SMCHD1: variants seen among roughly 807,000 people sequenced by gnomAD.
The protein encoded by SMCHD1 is structural maintenance of chromosomes flexible hinge domain containing 1.
In SMCHD1, 78 loss-of-function variants were observed where a neutral mutation model predicts 254.7. The observed-to-expected ratio is 0.31, with a 90% CI of 0.26 to 0.37. The LOEUF (loss-of-function observed/expected upper bound fraction) is 0.37. Among genes scored for constraint, SMCHD1 ranks in the 10% least tolerant of loss-of-function variants. The pLI is 1.00. For missense variants in SMCHD1, 1,840 were observed against 2,408.1 expected (o/e 0.76, Z 4.94); for synonymous variants, 766 against 794.9 (o/e 0.96, Z 0.61).
At chr18:2,672,802 T>A (rs538993785) in intron 3 of SMCHD1, among the ~76,000 whole-genome samples, 1 of 152,246 alleles carries the variant, frequency 6.6e-6, no homozygotes, top group East Asian at 1.9e-4. Context: ...ATAAGAATTC[T>A]ATATCCAAAT....
At chr18:2,784,940 C>G in intron 45 of SMCHD1, 1 of 373,786 alleles carries the variant, frequency 2.7e-6, no homozygotes, top group Non-Finnish European at 5.0e-6. Flanking sequence ...AGCAAGACTC[C>G]ATCTCTTAAA....
chr18:2,687,200 A>T (rs1246808524), intron 5 of SMCHD1, among the ~76,000 whole-genome samples: 4 of 152,144 alleles, frequency 2.6e-5, no homozygotes, highest in Non-Finnish European at 2.9e-5. Flanking sequence ...GTTTTTCACC[A>T]CACCAGTAAA....
intron 24 of SMCHD1, 63 bp from the exon 25 acceptor site, chr18:2,732,199 ATTC>A: frequency 8.2e-7 from 1 of 1,220,468 alleles, no homozygotes; most frequent in East Asian, 2.4e-5. Flanking sequence ...TTGAAAGTAA[ATTC>A]TTCAGGAGTG....
At chr18:2,784,983 A>G (rs934440098) in intron 45 of SMCHD1, 11 of 361,068 alleles carry the variant, frequency 3.0e-5, no homozygotes, top group Non-Finnish European at 5.8e-5. Flanking sequence ...GTCATTATTG[A>G]ATAAGTCAGT....
At chr18:2,656,580 G>A (rs2073065972) in intron 1 of SMCHD1, among the ~76,000 whole-genome samples, 1 of 152,264 alleles carries the variant, frequency 6.6e-6, no homozygotes, top group Non-Finnish European at 1.5e-5. Flanking sequence ...CCCGGTTGCG[G>A]CCCTGCAGTC....
intron 10 of SMCHD1, among the ~76,000 whole-genome samples, chr18:2,699,032 A>G (rs538485984): frequency 6.6e-6 from 1 of 152,184 alleles, no homozygotes; most frequent in Non-Finnish European, 1.5e-5. Flanking sequence ...TTGGGATTGC[A>G]TTGAATTTAT....
At position 2,763,591 on chromosome 18, in the gene SMCHD1, A is replaced by G. The variant is rs899928181; in HGVS notation, c.4567-46A>G. The G allele has an allele frequency of 8.4e-6, 12 of 1,431,630 alleles. No homozygotes were observed. In the African/African-American group the frequency reaches 1.5e-4, roughly 18 times the overall value. 88.7% of individuals were successfully genotyped at this position (1,431,630 alleles called of 1,614,324 possible). A position where few individuals can be genotyped will look rare whatever the true frequency, so the allele number is the denominator to read the frequency against. ...TTGTACATGCTCTTCTCTGGGTTTA[A>G]TCTTCTCATCAGTTTCTCTAATTGT... is the stretch of plus-strand genomic sequence containing the variant. On this transcript the variant is annotated intron_variant, in intron 36 of 47. Coordinates refer to ENST00000320876, the MANE Select transcript of SMCHD1 (RefSeq NM_015295.3).
Position 2,771,506 on chromosome 18 carries a change from A to G in SMCHD1, c.4967-27A>G. On this transcript the variant is annotated intron_variant, in intron 39 of 47. Transcript: ENST00000320876. ...ATGATTTGGGGGCTATCAGAAATTG[A>G]TGCAAATTTTTGGTTTTTTATTTTA... The G allele has an allele frequency of 2.0e-6, 3 of 1,520,280 alleles. No homozygotes were observed. The Middle Eastern group carries it at 5.2e-4, about 261-fold the overall frequency. 94.2% of individuals were successfully genotyped at this position (1,520,280 alleles called of 1,614,324 possible). A position where few individuals can be genotyped will look rare whatever the true frequency, so the allele number is the denominator to read the frequency against.
At position 2,788,962 on chromosome 18, in the gene SMCHD1, T is replaced by A. The variant is rs548994459; in HGVS notation, c.5719+4341T>A. ...ACATGCCTAAGCAAACAATCCTAACTACAGACAAGGCATTGTTTTATTCAA... is the reference window on the plus strand; with the variant it reads ...ACATGCCTAAGCAAACAATCCTAACAACAGACAAGGCATTGTTTTATTCAA... On this transcript the variant is annotated intron_variant, in intron 45 of 47. Coordinates refer to ENST00000320876, the MANE Select transcript of SMCHD1 (RefSeq NM_015295.3). Among the ~76,000 whole-genome samples, 8 of 152,288 alleles carry A rather than the reference T, an allele frequency of 5.3e-5. No homozygotes were observed. In the South Asian group the frequency reaches 1.5e-3, roughly 28 times the overall value.
intron 8 of SMCHD1, 133 bp downstream of exon 8, chr18:2,694,826 G>A (rs911102866): frequency 4.3e-6 from 3 of 693,044 alleles, no homozygotes; most frequent in South Asian, 1.9e-5. Context: ...GTATTATCCA[G>A]TACTCTGATA....
intron 45 of SMCHD1, among the ~76,000 whole-genome samples, chr18:2,788,863 G>T (rs1428537296): frequency 1.3e-5 from 2 of 152,134 alleles, no homozygotes; most frequent in Non-Finnish European, 2.9e-5. Flanking sequence ...CTCCCAAAGT[G>T]CTAGGATTAC....
intron 12 of SMCHD1, among the ~76,000 whole-genome samples, chr18:2,703,408 A>G (rs1343975976): frequency 6.6e-6 from 1 of 152,072 alleles, no homozygotes; most frequent in Non-Finnish European, 1.5e-5. Flanking sequence ...ATCAGTTTTT[A>G]GTGTATCCTA....
chr18:2,781,856 A>G (rs1366950564), intron 44 of SMCHD1, among the ~76,000 whole-genome samples: 1 of 152,216 alleles, frequency 6.6e-6, no homozygotes, highest in Non-Finnish European at 1.5e-5. Flanking sequence ...TTGAAGAGAC[A>G]TGGAGGGTAG....
At chr18:2,762,313 G>A (rs2075800264) in intron 36 of SMCHD1, 77 bp downstream of exon 36, 3 of 1,410,914 alleles carry the variant, frequency 2.1e-6, no homozygotes, top group Non-Finnish European at 3.0e-6. Flanking sequence ...AAAATTATTT[G>A]TATGGATTCT....
At chr18:2,728,952 A>G (rs1598376151) in intron 23 of SMCHD1, 1 of 22,734 alleles carries the variant, frequency 4.4e-5, no homozygotes, top group Admixed American at 1.3e-3. Flanking sequence ...TACTTTAGGG[A>G]AAAAAAAAAA....
At chr18:2,764,011 A>G (rs2075828460) in intron 37 of SMCHD1, 1 of 416,590 alleles carries the variant, frequency 2.4e-6, no homozygotes, top group Non-Finnish European at 4.2e-6. Flanking sequence ...GCTTTCTCTG[A>G]TTCTAGTTGT....
intron 30 of SMCHD1, among the ~76,000 whole-genome samples, chr18:2,747,888 T>C (rs2075486232): frequency 6.6e-6 from 1 of 152,188 alleles, no homozygotes; most frequent in Non-Finnish European, 1.5e-5. Flanking sequence ...GTGTTTCTTA[T>C]ATAGTGCTAG....
chr18:2,670,916 G>T (rs889676687), intron 3 of SMCHD1, among the ~76,000 whole-genome samples: 2 of 131,248 alleles, frequency 1.5e-5, no homozygotes, highest in African/African-American at 6.1e-5. Context: ...AAAAAAAAAA[G>T]AAAATTGAGT....
In SMCHD1 at chr18:2,697,058, G is replaced by T; in HGVS notation, c.1067G>T (p.Gly356Val). 6.7e-7 allele frequency: 1 copy of T among 1,496,302 alleles called. No homozygotes were observed. The highest frequency in any genetic ancestry group is 9.0e-7 in the Non-Finnish European group (1 of 1,111,852). 92.7% of individuals were successfully genotyped at this position (1,496,302 alleles called of 1,614,324 possible). Reference sequence around the variant, plus strand: ...CATATTTATCACTACTATATTCATGGCCCAAAAGGAAATGAAATACGAACA... The same window carrying T: ...CATATTTATCACTACTATATTCATGTCCCAAAAGGAAATGAAATACGAACA... ...LAHIYHYYIHGPKGNEIRTSK... is the reference protein window; with the variant it reads ...LAHIYHYYIHVPKGNEIRTSK... The change falls in exon 9 of 48, where the codon GGC (glycine) becomes GTC (valine). Residue 356 changes from glycine to valine, a missense_variant. Around this residue, in one of 9 missense-constraint regions of SMCHD1, gnomAD observed 498 missense variants for 743.5 expected, o/e 0.67. Transcript: ENST00000320876.
Sources: allele counts gnomAD v4.1 joint callset (sites outside exome capture counted in the v4.1 genomes callset), GRCh38; gene constraint gnomAD v4.1.1; regional missense constraint gnomAD v4.1.1; transcripts MANE v1.5; gene names NCBI Gene and HGNC (gene_info 2026-07-23, HGNC 2026-07-21).